The following KCNH7 variants were observed in gnomAD, a reference collection of about 807,000 sequenced individuals.
The protein encoded by KCNH7 is potassium voltage-gated channel subfamily H member 7, also known as voltage-gated inwardly rectifying potassium channel KCNH7.
KCNH7 carries 49 observed loss-of-function variants against 120.8 expected under a neutral mutation model. The observed-to-expected ratio is 0.41, with a 90% CI of 0.32 to 0.51. KCNH7 has a LOEUF of 0.51. Among genes scored for constraint, KCNH7 ranks in the 20% least tolerant of loss-of-function variants. The pLI is 0.38. For missense variants in KCNH7, 1,097 were observed against 1,446.6 expected (o/e 0.76, Z 3.92); for synonymous variants, 547 against 516.1 (o/e 1.06, Z -0.81).
At chr2:162,464,741 G>A (rs1392839428) in intron 6 of KCNH7, among the ~76,000 whole-genome samples, 1 of 151,960 alleles carries the variant, frequency 6.6e-6, no homozygotes, top group Non-Finnish European at 1.5e-5. Flanking sequence ...GTGGTAAACA[G>A]AAGCAATGTC....
intron 2 of KCNH7, among the ~76,000 whole-genome samples, chr2:162,708,662 A>C (rs1686805809): frequency 6.6e-6 from 1 of 152,098 alleles, no homozygotes; most frequent in Non-Finnish European, 1.5e-5. Flanking sequence ...TGTTCAATAG[A>C]GTGCCAAAGA....
chr2:162,526,089 T>C (rs1691695346), intron 3 of KCNH7, among the ~76,000 whole-genome samples: 1 of 151,874 alleles, frequency 6.6e-6, no homozygotes, highest in African/African-American at 2.4e-5. Context: ...AAGCTGGGTG[T>C]CCAGGGGAGA....
At chr2:162,561,978 C>T (rs914954443) in intron 2 of KCNH7, among the ~76,000 whole-genome samples, 1 of 152,158 alleles carries the variant, frequency 6.6e-6, no homozygotes, top group African/African-American at 2.4e-5. Flanking sequence ...CCAAACACCA[C>T]ATGTTCTCGC....
intron 2 of KCNH7, among the ~76,000 whole-genome samples, chr2:162,596,631 G>T (rs1694389643): frequency 6.6e-6 from 1 of 152,092 alleles, no homozygotes; most frequent in East Asian, 1.9e-4. Flanking sequence ...AAATCTAAAT[G>T]ACTTTGATCT....
chr2:162,569,321 G>C (rs1489436819), intron 2 of KCNH7, among the ~76,000 whole-genome samples: 9 of 151,792 alleles, frequency 5.9e-5, no homozygotes, highest in Non-Finnish European at 1.3e-4. Flanking sequence ...TTGCATAGAG[G>C]TGTTTGTAGT....
chr2:162,525,321 A>G (rs886402252), intron 3 of KCNH7, among the ~76,000 whole-genome samples: 15 of 151,964 alleles, frequency 9.9e-5, no homozygotes, highest in African/African-American at 3.6e-4. Context: ...CAGCAGCAAA[A>G]CAGCATTCCC....
At chr2:162,648,304 G>T (rs1030798085) in intron 2 of KCNH7, among the ~76,000 whole-genome samples, 1 of 151,732 alleles carries the variant, frequency 6.6e-6, no homozygotes, top group Admixed American at 6.6e-5. Context: ...AAGAGGGAAG[G>T]GCCACACACT....
intron 2 of KCNH7, among the ~76,000 whole-genome samples, chr2:162,576,352 C>T (rs925500145): frequency 3.9e-5 from 6 of 152,024 alleles, no homozygotes; most frequent in Non-Finnish European, 8.8e-5. Context: ...TTCATTTTCT[C>T]ATCTGTAAAA....
chr2:162,696,133 A>T (rs1379801199), intron 2 of KCNH7, among the ~76,000 whole-genome samples: 1 of 152,180 alleles, frequency 6.6e-6, no homozygotes, highest in Non-Finnish European at 1.5e-5. Flanking sequence ...TTGTAAAACT[A>T]AGGCTTTGCT....
intron 2 of KCNH7, among the ~76,000 whole-genome samples, chr2:162,655,617 T>C (rs1684724935): frequency 6.7e-6 from 1 of 148,690 alleles, no homozygotes; most frequent in Non-Finnish European, 1.5e-5. Flanking sequence ...AAACCCCATC[T>C]CTACTAAAAA....
intron 2 of KCNH7, among the ~76,000 whole-genome samples, chr2:162,829,440 G>A (rs2105612493): frequency 6.6e-6 from 1 of 152,222 alleles, no homozygotes; most frequent in African/African-American, 2.4e-5. Context: ...CCAATAGAGT[G>A]TGTAACATAT....
chr2:162,691,831 A>C (rs1375232885), intron 2 of KCNH7, among the ~76,000 whole-genome samples: 1 of 152,160 alleles, frequency 6.6e-6, no homozygotes, highest in African/African-American at 2.4e-5. Flanking sequence ...GTTACTACTA[A>C]TTAATTTTTA....
At chr2:162,632,755 G>T (rs574163834) in intron 2 of KCNH7, among the ~76,000 whole-genome samples, 1 of 151,714 alleles carries the variant, frequency 6.6e-6, no homozygotes, top group Non-Finnish European at 1.5e-5. Context: ...CTATTAAATG[G>T]TCTTGTGACA....
chr2:162,526,729 A>G (rs1691718408), intron 3 of KCNH7, among the ~76,000 whole-genome samples: 1 of 152,010 alleles, frequency 6.6e-6, no homozygotes, highest in Non-Finnish European at 1.5e-5. Context: ...TTGTTCAAAC[A>G]CACATGCTCT....
rs184170215 is a variant in KCNH7 at position 162,667,918 on chromosome 2, G to C, written c.308-130838C>G. Reference sequence around the variant, plus strand: ...TGCTTAAAACAGTGAGTAGAATGTTGTATATATTCAATAAATATTTATTGG... The same window carrying C: ...TGCTTAAAACAGTGAGTAGAATGTTCTATATATTCAATAAATATTTATTGG... On this transcript the variant is annotated intron_variant, in intron 2 of 15. Transcript: ENST00000332142. Among the ~76,000 whole-genome samples, 446 of 152,232 alleles carry C rather than the reference G, an allele frequency of 2.9e-3. 1 individual carries two copies. The highest frequency in any genetic ancestry group is 7.3e-3 in the South Asian group (35 of 4,820).
intron 5 of KCNH7, among the ~76,000 whole-genome samples, chr2:162,510,096 TA>T (rs1229774072): frequency 6.6e-6 from 1 of 151,612 alleles, no homozygotes; most frequent in Non-Finnish European, 1.5e-5. Flanking sequence ...GAGAAGTTGT[TA>T]AAAAATTATA....
At chr2:162,768,100 T>C (rs948856577) in intron 2 of KCNH7, among the ~76,000 whole-genome samples, 5 of 152,218 alleles carry the variant, frequency 3.3e-5, no homozygotes, top group African/African-American at 1.2e-4. Context: ...GAGTAGTTAG[T>C]AGATAGTATC....
At chr2:162,737,489 G>A (rs1030202413) in intron 2 of KCNH7, among the ~76,000 whole-genome samples, 1 of 151,912 alleles carries the variant, frequency 6.6e-6, no homozygotes, top group Admixed American at 6.6e-5. Context: ...TATCATTTGG[G>A]TGCAAGATAA....
At chr2:162,775,885 G>C (rs1406859348) in intron 2 of KCNH7, among the ~76,000 whole-genome samples, 3 of 152,120 alleles carry the variant, frequency 2.0e-5, no homozygotes, top group African/African-American at 7.2e-5. Context: ...AAAGTACCTA[G>C]GCACATGCCT....
Sources: allele counts gnomAD v4.1 joint callset (sites outside exome capture counted in the v4.1 genomes callset), GRCh38; gene constraint gnomAD v4.1.1; transcripts MANE v1.5; gene names NCBI Gene and HGNC (gene_info 2026-07-23, HGNC 2026-07-21).